Variants in MAST4 observed in about 807,000 individuals in gnomAD.
The protein encoded by MAST4 is microtubule associated serine/threonine kinase family member 4.
In MAST4, 89 loss-of-function variants were observed where a neutral mutation model predicts 162.7. The ratio of observed to expected loss-of-function variants is 0.55; its 90% confidence interval spans 0.46 to 0.65. The LOEUF (loss-of-function observed/expected upper bound fraction) is 0.65, where lower values mean the gene tolerates loss of function less well. Ranked by LOEUF, MAST4 falls within the 30% of genes least tolerant of loss-of-function variation. MAST4 has a pLI of 0.00. For missense variants in MAST4, 3,153 were observed against 3,374.0 expected (o/e 0.93, Z 1.62); for synonymous variants, 1,479 against 1,361.1 (o/e 1.09, Z -1.91).
At chr5:67,068,592 G>T (rs1451272478) in intron 5 of MAST4, among the ~76,000 whole-genome samples, 1 of 152,140 alleles carries the variant, frequency 6.6e-6, no homozygotes, top group African/African-American at 2.4e-5. Context: ...TTTGGGTGGG[G>T]ACACAGCCAA....
At chr5:67,001,071 G>A (rs1026690309) in intron 4 of MAST4, among the ~76,000 whole-genome samples, 3 of 152,116 alleles carry the variant, frequency 2.0e-5, no homozygotes, top group Admixed American at 6.5e-5. Context: ...TCTCTATATT[G>A]ACCTAGACCA....
intron 2 of MAST4, among the ~76,000 whole-genome samples, chr5:66,784,351 C>T (rs1755012915): frequency 6.6e-6 from 1 of 152,078 alleles, no homozygotes; most frequent in African/African-American, 2.4e-5. Flanking sequence ...CCCCATATAC[C>T]TATCAGCCAG....
chr5:66,923,668 A>G (rs1364071021), intron 4 of MAST4, among the ~76,000 whole-genome samples: 3 of 152,120 alleles, frequency 2.0e-5, no homozygotes, highest in Admixed American at 6.5e-5. Flanking sequence ...TCTTCTCAGT[A>G]TAGTCTAAAT....
chr5:67,074,993 G>A lies in MAST4; in HGVS notation c.764-15169G>A, dbSNP rs567913764. ...ACAGTTAAACAGTTTTATGTGTAGC[G>A]TTTTCCAACATTAGTAGCAGTACTA... On this transcript the variant is annotated intron_variant, in intron 5 of 28. Transcript: ENST00000403625. 1.1e-4 allele frequency among the ~76,000 whole-genome samples: 17 copies of A among 152,148 alleles called. No individual in the cohort carries two copies. In the South Asian group the frequency reaches 1.5e-3, roughly 13 times the overall value.
At position 67,100,424 on chromosome 5, in the gene MAST4, G is replaced by C. The variant is rs190203922; in HGVS notation, c.913-11G>C. The C allele has an allele frequency of 1.2e-6, 2 of 1,613,576 alleles. No homozygotes were observed. The highest frequency in any genetic ancestry group is 4.5e-5 in the East Asian group (2 of 44,854). ...GAGGTAGTTATGTGACCTCACTTTG[G>C]TTTTTTTCAGTCATCCTGTTCCTCC... On this transcript the variant is annotated splice_polypyrimidine_tract_variant and intron_variant, in intron 7 of 28. Coordinates refer to ENST00000403625, the MANE Select transcript of MAST4 (RefSeq NM_001164664.2).
chr5:67,083,589 TG>T (rs1762904906), intron 5 of MAST4, among the ~76,000 whole-genome samples: 1 of 152,168 alleles, frequency 6.6e-6, no homozygotes, highest in African/African-American at 2.4e-5. Flanking sequence ...TATCTAATTA[TG>T]TTAAGGAATT....
intron 3 of MAST4, among the ~76,000 whole-genome samples, chr5:66,826,506 T>A (rs921370274): frequency 5.3e-5 from 8 of 152,132 alleles, no homozygotes; most frequent in Admixed American, 4.6e-4. Context: ...ACACGATTGG[T>A]CACAGAAAAG....
chr5:66,936,108 C>T (rs1264182242), intron 4 of MAST4, among the ~76,000 whole-genome samples: 1 of 152,192 alleles, frequency 6.6e-6, no homozygotes, highest in Non-Finnish European at 1.5e-5. Context: ...TTTATCACTT[C>T]TTTGACAGTT....
chr5:67,083,454 A>G (rs775733458), intron 5 of MAST4, among the ~76,000 whole-genome samples: 1 of 152,178 alleles, frequency 6.6e-6, no homozygotes, highest in East Asian at 1.9e-4. Context: ...TTATATGGAT[A>G]TGTGTTTCAT....
At chr5:66,744,134 GC>G (rs1752620799) in intron 1 of MAST4, among the ~76,000 whole-genome samples, 1 of 151,914 alleles carries the variant, frequency 6.6e-6, no homozygotes, top group African/African-American at 2.4e-5. Context: ...TGATAAGATA[GC>G]TCAAATGGCC....
chr5:67,097,260 AT>A (rs1764572044), intron 7 of MAST4, among the ~76,000 whole-genome samples: 1 of 152,148 alleles, frequency 6.6e-6, no homozygotes, highest in Non-Finnish European at 1.5e-5. Flanking sequence ...GTTTAAAATA[AT>A]TTTGTTTTAT....
chr5:66,809,933 C>T (rs1179315548), intron 3 of MAST4, among the ~76,000 whole-genome samples: 1 of 152,142 alleles, frequency 6.6e-6, no homozygotes, highest in African/African-American at 2.4e-5. Context: ...ATGGGGTATA[C>T]ACAGTTTGAG....
intron 2 of MAST4, among the ~76,000 whole-genome samples, chr5:66,766,804 C>G (rs1754116635): frequency 6.6e-6 from 1 of 152,136 alleles, no homozygotes; most frequent in African/African-American, 2.4e-5. Flanking sequence ...GTAGCACCAT[C>G]AAAAGAATGC....
intron 3 of MAST4, among the ~76,000 whole-genome samples, chr5:66,833,027 TC>T (rs1053610883): frequency 7.9e-5 from 12 of 152,304 alleles, no homozygotes; most frequent in African/African-American, 2.6e-4. Context: ...TACTGTAGTT[TC>T]TATTTCCTGA....
chr5:66,960,442 T>C (rs1222510593), intron 4 of MAST4, among the ~76,000 whole-genome samples: 1 of 152,218 alleles, frequency 6.6e-6, no homozygotes, highest in Non-Finnish European at 1.5e-5. Context: ...GAGGTACGAA[T>C]AGTATTTACC....
At chr5:66,988,861 A>T (rs1454700465) in intron 4 of MAST4, among the ~76,000 whole-genome samples, 1 of 152,242 alleles carries the variant, frequency 6.6e-6, no homozygotes, top group African/African-American at 2.4e-5. Flanking sequence ...ACCCAGGAAC[A>T]CATACATGGT....
intron 4 of MAST4, among the ~76,000 whole-genome samples, chr5:67,046,498 A>G (rs1175470062): frequency 6.6e-6 from 1 of 152,178 alleles, no homozygotes; most frequent in Non-Finnish European, 1.5e-5. Context: ...CTCTCCTTTT[A>G]TACTTTAAAC....
intron 5 of MAST4, among the ~76,000 whole-genome samples, chr5:67,078,016 T>A (rs1166208504): frequency 6.6e-6 from 1 of 152,058 alleles, no homozygotes; most frequent in African/African-American, 2.4e-5. Context: ...GGAGAATCGC[T>A]TGAACCTGGG....
At chr5:66,879,712 G>A (rs569250648) in intron 3 of MAST4, among the ~76,000 whole-genome samples, 2 of 152,246 alleles carry the variant, frequency 1.3e-5, no homozygotes, top group African/African-American at 2.4e-5. Flanking sequence ...GGGATTTCGC[G>A]ATGACGCCCA....
Sources: allele counts gnomAD v4.1 joint callset (sites outside exome capture counted in the v4.1 genomes callset), GRCh38; gene constraint gnomAD v4.1.1; transcripts MANE v1.5; gene names NCBI Gene and HGNC (gene_info 2026-07-23, HGNC 2026-07-21).